The following GALNTL6 variants were observed in gnomAD, a reference collection of about 807,000 sequenced individuals.
The protein encoded by GALNTL6 is polypeptide N-acetylgalactosaminyltransferase-like 6.
GALNTL6 carries 46 observed loss-of-function variants against 73.7 expected under a neutral mutation model. The observed-to-expected ratio is 0.62, with a 90% CI of 0.49 to 0.80. GALNTL6 has a LOEUF of 0.80. Ranked by LOEUF, GALNTL6 falls within the 30% of genes least tolerant of loss-of-function variation. The probability of loss-of-function intolerance (pLI) is 0.00; values close to 1 mark genes in which losing one functional copy is unlikely to be tolerated. For synonymous variants in GALNTL6, 259 were observed against 263.7 expected (o/e 0.98, Z 0.17); for missense variants, 604 against 755.0 (o/e 0.80, Z 2.34).
chr4:172,733,725 T>A (rs1736286466), intron 5 of GALNTL6, among the ~76,000 whole-genome samples: 1 of 152,210 alleles, frequency 6.6e-6, no homozygotes, highest in African/African-American at 2.4e-5. Context: ...CCTTCCGCCA[T>A]GATTGTGAGG....
Position 172,882,858 on chromosome 4 carries a change from A to C in GALNTL6, c.992A>C (p.Asp331Ala). 6.2e-7 allele frequency: 1 copy of C among 1,612,748 alleles called. No homozygotes were observed. The highest frequency in any genetic ancestry group is 8.5e-7 in the Non-Finnish European group (1 of 1,178,914). Residue 331 changes from aspartate (D) to alanine (A), a missense_variant, in exon 8 of 13, where the codon GAT becomes GCT. Physicochemically the swap from Asp to Ala is moderately radical, Grantham distance 126. This residue lies in a region of GALNTL6 where 179 missense variants were observed against 230.8 expected (regional missense o/e 0.78). Transcript: ENST00000506823. ...TGGTTTTGGGAATTGGGTGGCTATG[A>C]TCCAGGTTTAGAAATCTGGGGAGGA... ...RKWFWELGGYDPGLEIWGGEQ... is the reference protein window; with the variant it reads ...RKWFWELGGYAPGLEIWGGEQ...
chr4:172,379,056 A>G (rs958369978), intron 5 of GALNTL6, among the ~76,000 whole-genome samples: 2 of 152,220 alleles, frequency 1.3e-5, no homozygotes, highest in East Asian at 3.8e-4. Flanking sequence ...TTTCCAGACA[A>G]GCCATACAAA....
chr4:172,037,960 A>C (rs1000951825), intron 2 of GALNTL6, among the ~76,000 whole-genome samples: 1 of 152,228 alleles, frequency 6.6e-6, no homozygotes, highest in Admixed American at 6.5e-5. Context: ...TCTACTAAAA[A>C]ATACAAAAAT....
intron 5 of GALNTL6, among the ~76,000 whole-genome samples, chr4:172,688,963 A>AGTGACATCATAATG (rs60258531): frequency 1 from 152,131 of 152,254 alleles, 76,005 homozygotes; most frequent in Middle Eastern, 1. Context: ...CTCCCTACTC[A>AGTGACATCATAATG]GTAACCCAAA....
At chr4:172,805,447 T>C (rs1740899845) in intron 5 of GALNTL6, among the ~76,000 whole-genome samples, 1 of 152,184 alleles carries the variant, frequency 6.6e-6, no homozygotes, top group Non-Finnish European at 1.5e-5. Flanking sequence ...AGTGATACAA[T>C]AAGCCCTGGC....
chr4:172,021,291 G>A (rs1329823683), intron 2 of GALNTL6, among the ~76,000 whole-genome samples: 1 of 151,962 alleles, frequency 6.6e-6, no homozygotes, highest in East Asian at 1.9e-4. Context: ...AGAGCAATCA[G>A]AAAAGAGGAA....
chr4:172,280,861 T>C (rs994803382), intron 3 of GALNTL6, among the ~76,000 whole-genome samples: 1 of 152,092 alleles, frequency 6.6e-6, no homozygotes, highest in African/African-American at 2.4e-5. Context: ...ACTTAGTGCC[T>C]TAAAGCAATG....
At chr4:172,550,369 G>A (rs1378794095) in intron 5 of GALNTL6, among the ~76,000 whole-genome samples, 1 of 152,090 alleles carries the variant, frequency 6.6e-6, no homozygotes, top group African/African-American at 2.4e-5. Flanking sequence ...AAAATATAGT[G>A]CATCATTGTT....
intron 3 of GALNTL6, among the ~76,000 whole-genome samples, chr4:172,250,831 T>TA (rs1184141981): frequency 1.3e-5 from 2 of 152,286 alleles, no homozygotes; most frequent in African/African-American, 4.8e-5. Context: ...GGGACCTTGA[T>TA]AAAAAACAGA....
At chr4:171,839,055 A>G (rs1735175575) in intron 2 of GALNTL6, among the ~76,000 whole-genome samples, 1 of 152,116 alleles carries the variant, frequency 6.6e-6, no homozygotes, top group Non-Finnish European at 1.5e-5. Context: ...AACATAAATA[A>G]AAGTCCAGAG....
chr4:172,566,119 A>C (rs903372154), intron 5 of GALNTL6, among the ~76,000 whole-genome samples: 1 of 152,162 alleles, frequency 6.6e-6, no homozygotes, highest in African/African-American at 2.4e-5. Flanking sequence ...CTCTACTTAC[A>C]ATAATGAATG....
intron 7 of GALNTL6, among the ~76,000 whole-genome samples, chr4:172,848,821 A>G (rs1743652978): frequency 6.6e-6 from 1 of 152,208 alleles, no homozygotes; most frequent in Non-Finnish European, 1.5e-5. Context: ...GTGGAAACAG[A>G]TGTTAGAACT....
intron 2 of GALNTL6, among the ~76,000 whole-genome samples, chr4:171,858,930 C>T (rs527833173): frequency 5.9e-5 from 9 of 151,938 alleles, no homozygotes; most frequent in Admixed American, 2.0e-4. Context: ...TTTTAATAAG[C>T]CCTTAATGTT....
intron 7 of GALNTL6, among the ~76,000 whole-genome samples, chr4:172,869,655 G>T (rs1708350964): frequency 6.6e-6 from 1 of 152,088 alleles, no homozygotes; most frequent in Non-Finnish European, 1.5e-5. Flanking sequence ...ATCTAAGGTA[G>T]AATTACTTGT....
At chr4:172,300,087 G>C (rs919971979) in intron 3 of GALNTL6, among the ~76,000 whole-genome samples, 2 of 152,144 alleles carry the variant, frequency 1.3e-5, no homozygotes, top group African/African-American at 4.8e-5. Context: ...AGGATAGTTA[G>C]CTCTTCTTGT....
chr4:172,468,668 A>G (rs1016359717), intron 5 of GALNTL6, among the ~76,000 whole-genome samples: 5 of 152,216 alleles, frequency 3.3e-5, no homozygotes, highest in Non-Finnish European at 5.9e-5. Context: ...GTAATGCCCA[A>G]TAAGGTGGTA....
chr4:172,275,627 A>G (rs1254215565), intron 3 of GALNTL6, among the ~76,000 whole-genome samples: 3 of 152,218 alleles, frequency 2.0e-5, no homozygotes, highest in African/African-American at 7.2e-5. Flanking sequence ...TTTCTATATT[A>G]GTAGACAACA....
At chr4:172,420,753 T>G (rs1731024368) in intron 5 of GALNTL6, among the ~76,000 whole-genome samples, 1 of 152,048 alleles carries the variant, frequency 6.6e-6, no homozygotes, top group South Asian at 2.1e-4. Flanking sequence ...AGCAAAGACT[T>G]GGAACCAACC....
intron 5 of GALNTL6, among the ~76,000 whole-genome samples, chr4:172,752,698 A>T: frequency 6.6e-6 from 1 of 152,270 alleles, no homozygotes; most frequent in East Asian, 1.9e-4. Flanking sequence ...AACATTATGA[A>T]GATTTTAAAA....
Sources: gnomAD v4.1 joint callset for allele counts (sites outside exome capture counted in the v4.1 genomes callset) on GRCh38, gnomAD v4.1.1 for gene constraint, gnomAD v4.1.1 regional missense constraint, MANE v1.5 for transcripts, NCBI Gene and HGNC (gene_info 2026-07-23, HGNC 2026-07-21) for gene names.